FOXP2: variants seen among roughly 807,000 people sequenced by gnomAD.
FOXP2 encodes the protein forkhead box P2.
In FOXP2, 12 loss-of-function variants were observed where a neutral mutation model predicts 115.8. The observed-to-expected ratio is 0.10, with a 90% confidence interval of 0.07 to 0.17. The LOEUF is 0.17. Ranked by LOEUF, FOXP2 falls within the 10% of genes least tolerant of loss-of-function variation. FOXP2 has a pLI of 1.00. For synonymous variants in FOXP2, 328 were observed against 297.7 expected, an observed-to-expected ratio of 1.10 and a Z score of -1.05; for missense variants, 629 against 843.5, an observed-to-expected ratio of 0.75 and a Z score of 3.15.
chr7:114,588,947 G>A (rs756610865), intron 3 of FOXP2, among the ~76,000 whole-genome samples: 15 of 152,022 alleles, frequency 9.9e-5, no homozygotes, highest in South Asian at 2.1e-4. Context: ...GTGATTTTTC[G>A]TCACCATCAA....
chr7:114,640,113 A>G (rs910554917), intron 6 of FOXP2, among the ~76,000 whole-genome samples: 1 of 152,176 alleles, frequency 6.6e-6, no homozygotes, highest in Non-Finnish European at 1.5e-5. Flanking sequence ...TGCAAAAGAC[A>G]TGTTGGTGCT....
chr7:114,210,360 A>T (rs1010972677), intron 1 of FOXP2, among the ~76,000 whole-genome samples: 1 of 151,990 alleles, frequency 6.6e-6, no homozygotes, highest in Non-Finnish European at 1.5e-5. Context: ...TTCTTGTTTT[A>T]TGCCTGATTT....
At chr7:114,531,904 A>G (rs536623064) in intron 2 of FOXP2, among the ~76,000 whole-genome samples, 21 of 151,928 alleles carry the variant, frequency 1.4e-4, no homozygotes, top group Non-Finnish European at 3.1e-4. Flanking sequence ...TACAGACATT[A>G]CGTAGCATTG....
At chr7:114,214,072 T>G (rs891880071) in intron 1 of FOXP2, among the ~76,000 whole-genome samples, 1 of 152,208 alleles carries the variant, frequency 6.6e-6, no homozygotes, top group African/African-American at 2.4e-5. Flanking sequence ...ATGTTATCAG[T>G]CTCATCTTCA....
intron 1 of FOXP2, among the ~76,000 whole-genome samples, chr7:114,140,465 A>G (rs78543317): frequency 1.2e-3 from 190 of 152,220 alleles, no homozygotes; most frequent in African/African-American, 4.5e-3. Context: ...GATGGCCCCT[A>G]GTGAGGGTGT....
At chr7:114,523,557 C>G (rs1798723255) in intron 2 of FOXP2, among the ~76,000 whole-genome samples, 2 of 152,292 alleles carry the variant, frequency 1.3e-5, no homozygotes, top group East Asian at 3.9e-4. Flanking sequence ...TACTGATCCT[C>G]ATCATTTCTG....
intron 3 of FOXP2, among the ~76,000 whole-genome samples, chr7:114,542,757 T>A (rs950522615): frequency 2.5e-4 from 38 of 151,792 alleles, no homozygotes; most frequent in African/African-American, 9.0e-4. Context: ...ATGAAACAAA[T>A]GTGGAATAAA....
chr7:114,125,888 T>C (rs1791693905), intron 1 of FOXP2, among the ~76,000 whole-genome samples: 2 of 152,182 alleles, frequency 1.3e-5, no homozygotes, highest in Admixed American at 1.3e-4. Context: ...ACTATGGATG[T>C]CATATCAAAA....
chr7:114,320,500 T>C (rs1797394154), intron 2 of FOXP2, among the ~76,000 whole-genome samples: 1 of 152,224 alleles, frequency 6.6e-6, no homozygotes, highest in South Asian at 2.1e-4. Flanking sequence ...TGTAACTTCT[T>C]TGTTTATTTT....
chr7:114,541,514 C>T (rs1176131793), intron 3 of FOXP2, among the ~76,000 whole-genome samples: 2 of 151,986 alleles, frequency 1.3e-5, no homozygotes, highest in African/African-American at 4.8e-5. Context: ...TTGATTGCAA[C>T]ACAGATACTT....
intron 8 of FOXP2, among the ~76,000 whole-genome samples, chr7:114,649,070 G>A (rs1276888345): frequency 6.6e-6 from 1 of 152,046 alleles, no homozygotes; most frequent in Non-Finnish European, 1.5e-5. Context: ...CAGACCAGTA[G>A]AAGTAGAACA....
At chr7:114,390,729 T>C (rs1818998) in intron 2 of FOXP2, among the ~76,000 whole-genome samples, 70,935 of 151,590 alleles carry the variant, frequency 0.47, 19,423 homozygotes, top group East Asian at 0.95. Flanking sequence ...TGATTTTTTT[T>C]TTTCTTTCTT....
chr7:114,284,074 ATGTC>A (rs562634843), intron 1 of FOXP2, among the ~76,000 whole-genome samples: 105 of 152,304 alleles, frequency 6.9e-4, no homozygotes, highest in African/African-American at 2.4e-3. Flanking sequence ...TGGTCTGGGA[ATGTC>A]TGAGTGATGT....
chr7:114,367,767 C>T (rs1421056270), intron 2 of FOXP2, among the ~76,000 whole-genome samples: 1 of 152,110 alleles, frequency 6.6e-6, no homozygotes, highest in Non-Finnish European at 1.5e-5. Flanking sequence ...CTAGCATTTC[C>T]AGTCTAAAGT....
In FOXP2 at chr7:114,232,537, G is replaced by GTAATCCCA. The variant is rs1794907344; in HGVS notation, c.-101-55482_-101-55481insTAATCCCA. On this transcript the variant is annotated intron_variant, in intron 1 of 17. Coordinates refer to the FOXP2 transcript ENST00000634411. The stretch of plus-strand genomic sequence containing the variant: ...CAATAAAATATTGTTTAGCAGGCCC[G>GTAATCCCA]GCAGGGTGGCTCATGCCTGTAATCC... Among the ~76,000 whole-genome samples the GTAATCCCA allele has an allele frequency of 2.6e-5, 4 of 152,060 alleles. No homozygotes were observed. In the South Asian group the frequency reaches 8.3e-4, roughly 31 times the overall value.
chr7:114,272,979 A>G (rs539050041), intron 1 of FOXP2, among the ~76,000 whole-genome samples: 1 of 151,706 alleles, frequency 6.6e-6, no homozygotes, highest in East Asian at 1.9e-4. Context: ...TCTTTTGCTT[A>G]CTTTGGATGT....
chr7:114,313,169 G>T (rs1238642877), intron 2 of FOXP2, among the ~76,000 whole-genome samples: 3 of 152,150 alleles, frequency 2.0e-5, no homozygotes, highest in Admixed American at 1.3e-4. Context: ...AAAATATGGG[G>T]TTACATTCTG....
At chr7:114,254,777 C>T (rs1160279163) in intron 1 of FOXP2, among the ~76,000 whole-genome samples, 3 of 152,190 alleles carry the variant, frequency 2.0e-5, no homozygotes, top group Non-Finnish European at 4.4e-5. Flanking sequence ...TCGTCTGAAG[C>T]CTTCTTCTCT....
chr7:114,281,313 G>A (rs1326842428), intron 1 of FOXP2, among the ~76,000 whole-genome samples: 1 of 151,858 alleles, frequency 6.6e-6, no homozygotes, highest in African/African-American at 2.4e-5. Context: ...TGTTGGCCAG[G>A]CTGATTTCAA....
Sources: allele counts gnomAD v4.1 joint callset (sites outside exome capture counted in the v4.1 genomes callset), GRCh38; gene constraint gnomAD v4.1.1; transcripts MANE v1.5; gene names NCBI Gene and HGNC (gene_info 2026-07-23, HGNC 2026-07-21).